TAFA1: variants seen among roughly 807,000 people sequenced by gnomAD.
The protein encoded by TAFA1 is chemokine-like protein TAFA-1.
Under a neutral mutation model 18.5 loss-of-function variants are expected in TAFA1, and 4 were observed. That is an observed-to-expected ratio of 0.22 (90% CI 0.11 to 0.49). The LOEUF (loss-of-function observed/expected upper bound fraction) is 0.49, where lower values mean the gene tolerates loss of function less well. Ranked by LOEUF, TAFA1 falls within the 20% of genes least tolerant of loss-of-function variation. The pLI, the probability that TAFA1 is intolerant of heterozygous loss-of-function variation, is 0.98. For missense variants in TAFA1, 147 were observed against 169.0 expected, an observed-to-expected ratio of 0.87 and a Z score of 0.72; for synonymous variants, 56 against 55.2, an observed-to-expected ratio of 1.01 and a Z score of -0.06.
At chr3:68,272,670 A>T (rs960265960) in intron 2 of TAFA1, among the ~76,000 whole-genome samples, 6 of 152,144 alleles carry the variant, frequency 3.9e-5, no homozygotes, top group African/African-American at 1.4e-4. Flanking sequence ...TTCCTCATCT[A>T]TGAAAGAAAA....
intron 2 of TAFA1, among the ~76,000 whole-genome samples, chr3:68,270,899 T>C (rs1467217680): frequency 6.6e-6 from 1 of 152,144 alleles, no homozygotes; most frequent in Non-Finnish European, 1.5e-5. Flanking sequence ...GACAGAGTGA[T>C]GAAAAGATAA....
intron 2 of TAFA1, among the ~76,000 whole-genome samples, chr3:68,113,023 T>G (rs6777162): frequency 0.97 from 147,224 of 152,202 alleles, 71,242 homozygotes; most frequent in African/African-American, 0.99. Flanking sequence ...CTCAATGTCG[T>G]GTATCAGTAA....
chr3:68,112,770 A>G (rs1387141692), intron 2 of TAFA1, among the ~76,000 whole-genome samples: 2 of 152,106 alleles, frequency 1.3e-5, no homozygotes, highest in Non-Finnish European at 2.9e-5. Flanking sequence ...AAATTCCTCT[A>G]TGCCAAAAAT....
At chr3:68,298,166 C>G (rs2068243760) in intron 2 of TAFA1, among the ~76,000 whole-genome samples, 1 of 152,158 alleles carries the variant, frequency 6.6e-6, no homozygotes. Flanking sequence ...CCCTGATGAA[C>G]ACAGGGCAAG....
intron 2 of TAFA1, among the ~76,000 whole-genome samples, chr3:68,092,110 C>T (rs548718887): frequency 6.6e-6 from 1 of 152,266 alleles, no homozygotes; most frequent in Admixed American, 6.5e-5. Context: ...CCCAACTCAC[C>T]TCAGTCCCAA....
At chr3:68,337,098 T>G (rs2068983928) in intron 2 of TAFA1, among the ~76,000 whole-genome samples, 1 of 152,124 alleles carries the variant, frequency 6.6e-6, no homozygotes, top group Non-Finnish European at 1.5e-5. Context: ...GGTGTATTAG[T>G]CTGTTCTCAC....
At chr3:68,020,512 A>G (rs75767221) in intron 2 of TAFA1, among the ~76,000 whole-genome samples, 1 of 151,890 alleles carries the variant, frequency 6.6e-6, no homozygotes, top group East Asian at 1.9e-4. Context: ...TACACTTGCC[A>G]TATAGTAGGT....
chr3:68,008,730 A>G (rs1409047701), intron 2 of TAFA1, among the ~76,000 whole-genome samples: 2 of 152,084 alleles, frequency 1.3e-5, no homozygotes, highest in East Asian at 3.9e-4. Flanking sequence ...CATTATGTCA[A>G]TACTTGGTCC....
intron 2 of TAFA1, among the ~76,000 whole-genome samples, chr3:68,214,083 C>A (rs922746643): frequency 6.6e-6 from 1 of 151,918 alleles, no homozygotes; most frequent in African/African-American, 2.4e-5. Context: ...TTTTGAGTAC[C>A]CTAGTAAAAC....
intron 3 of TAFA1, among the ~76,000 whole-genome samples, chr3:68,430,209 C>G (rs1397219893): frequency 6.6e-6 from 1 of 151,946 alleles, no homozygotes; most frequent in Non-Finnish European, 1.5e-5. Flanking sequence ...ACTAAGAAGA[C>G]TTCCGTGAAG....
At chr3:68,420,515 T>C (rs1305955640) in intron 3 of TAFA1, among the ~76,000 whole-genome samples, 1 of 152,112 alleles carries the variant, frequency 6.6e-6, no homozygotes, top group Non-Finnish European at 1.5e-5. Context: ...CCACCACACC[T>C]GGCCAGGTCA....
intron 2 of TAFA1, among the ~76,000 whole-genome samples, chr3:68,336,787 G>A (rs528337117): frequency 6.6e-6 from 1 of 152,132 alleles, no homozygotes; most frequent in South Asian, 2.1e-4. Context: ...GCTGTGGCAC[G>A]ATCTCAGCTC....
At chr3:68,025,284 A>T (rs1704790689) in intron 2 of TAFA1, among the ~76,000 whole-genome samples, 1 of 152,086 alleles carries the variant, frequency 6.6e-6, no homozygotes, top group African/African-American at 2.4e-5. Flanking sequence ...TAACTTCATG[A>T]TATATTCAGA....
At chr3:68,304,937 T>A (rs944763362) in intron 2 of TAFA1, among the ~76,000 whole-genome samples, 5 of 152,106 alleles carry the variant, frequency 3.3e-5, no homozygotes, top group Non-Finnish European at 5.9e-5. Flanking sequence ...TCAGGATAGC[T>A]CCATTTTACC....
chr3:68,116,299 T>A (rs937360258), intron 2 of TAFA1, among the ~76,000 whole-genome samples: 1 of 151,968 alleles, frequency 6.6e-6, no homozygotes, highest in African/African-American at 2.4e-5. Flanking sequence ...AATGTAAATC[T>A]GAGAAATCCT....
chr3:68,459,165 T>G (rs1474521904), intron 3 of TAFA1, among the ~76,000 whole-genome samples: 2 of 152,132 alleles, frequency 1.3e-5, no homozygotes, highest in Non-Finnish European at 2.9e-5. Context: ...GGCAAGGAAG[T>G]GCTCATCAGC....
At position 68,440,189 on chromosome 3, in the gene TAFA1, C is replaced by T. The variant is rs200347535; in HGVS notation, c.259+22769C>T. Among the ~76,000 whole-genome samples, 33 of 152,232 alleles carry T rather than the reference C, an allele frequency of 2.2e-4. No homozygotes were observed. In the East Asian group the frequency reaches 5.2e-3, roughly 24 times the overall value. On this transcript the variant is annotated intron_variant, in intron 3 of 4. Coordinates refer to ENST00000478136, the MANE Select transcript of TAFA1 (RefSeq NM_213609.4). The stretch of plus-strand genomic sequence containing the variant: ...GAATGAGTCTCAAAAGAGCTGATGG[C>T]TTTAAAAACAGAAGTTTCCCTGCAC...
At chr3:68,498,722 C>CTTTTTTTTGTTTTTTTT (rs2072598899) in intron 3 of TAFA1, among the ~76,000 whole-genome samples, 1 of 97,028 alleles carries the variant, frequency 1.0e-5, no homozygotes, top group African/African-American at 4.8e-5. Context: ...CGTTTGGTGG[C>CTTTTTTTTGTTTTTTTT]TTTTTTTTTT....
At chr3:68,424,725 T>C (rs902160237) in intron 3 of TAFA1, among the ~76,000 whole-genome samples, 2 of 152,078 alleles carry the variant, frequency 1.3e-5, no homozygotes, top group African/African-American at 4.8e-5. Context: ...AGAAGGATTA[T>C]GTATGATAGC....
Sources: gnomAD v4.1 joint callset for allele counts (sites outside exome capture counted in the v4.1 genomes callset) on GRCh38, gnomAD v4.1.1 for gene constraint, MANE v1.5 for transcripts, NCBI Gene and HGNC (gene_info 2026-07-23, HGNC 2026-07-21) for gene names.